SPTBN4: variants seen among roughly 807,000 people sequenced by gnomAD.
SPTBN4 encodes spectrin beta, non-erythrocytic 4.
SPTBN4 carries 96 observed loss-of-function variants against 277.8 expected under a neutral mutation model. The ratio of observed to expected loss-of-function variants is 0.35; its 90% CI spans 0.29 to 0.41. The LOEUF (loss-of-function observed/expected upper bound fraction) is 0.41. Among genes scored for constraint, SPTBN4 ranks in the 10% least tolerant of loss-of-function variants. The pLI, the probability that SPTBN4 is intolerant of heterozygous loss-of-function variation, is 1.00. For synonymous variants in SPTBN4, 1,481 were observed against 1,580.3 expected (o/e 0.94, Z 1.49); for missense variants, 3,006 against 3,595.7 (o/e 0.84, Z 4.19).
At position 40,485,361 on chromosome 19, in the gene SPTBN4, G is replaced by A. The variant is rs182648929; in HGVS notation, c.170-2336G>A. On this transcript the variant is annotated intron_variant, in intron 2 of 35. Coordinates refer to ENST00000598249, the MANE Select transcript of SPTBN4 (RefSeq NM_020971.3). ...AGACAGTGTTCGAGAGGCTGGTCTCGAACTCCTGAGCTCAGGCAATCCACC... is the reference window on the plus strand; with the variant it reads ...AGACAGTGTTCGAGAGGCTGGTCTCAAACTCCTGAGCTCAGGCAATCCACC... 3.5e-4 allele frequency among the ~76,000 whole-genome samples: 53 copies of A among 151,236 alleles called. No homozygotes were observed. In the East Asian group the frequency reaches 8.7e-3, roughly 25 times the overall value.
Position 40,575,780 on chromosome 19 carries a change from C to A in SPTBN4, c.*211C>A. The stretch of plus-strand genomic sequence containing the variant: ...CTATAGCCATATCTCGGCCCCTTCC[C>A]ACTCACCACCCCCACCCCAGGTGCT... On this transcript the variant is annotated 3_prime_UTR_variant, in exon 36 of 36. Transcript: ENST00000598249. 2.1e-6 allele frequency: 1 copy of A among 483,590 alleles called. No homozygotes were observed. Among genetic ancestry groups the A allele is most frequent in the Non-Finnish European group, 3.5e-6 (1 of 287,636 alleles). The allele number at this position is 483,590 out of a possible 1,614,324, so 30.0% of individuals were successfully genotyped here.
chr19:40,549,809 G>T (rs1226690295), intron 21 of SPTBN4, among the ~76,000 whole-genome samples: 2 of 152,224 alleles, frequency 1.3e-5, no homozygotes, highest in Non-Finnish European at 2.9e-5. Context: ...GGTGGCCAAG[G>T]CAGACCCCAT....
intron 26 of SPTBN4, among the ~76,000 whole-genome samples, chr19:40,557,705 G>T (rs939748561): frequency 5.9e-5 from 9 of 152,090 alleles, no homozygotes; most frequent in Non-Finnish European, 1.2e-4. Context: ...ATCATCTGAG[G>T]TCAGGAGTTT....
At chr19:40,488,960 G>C (rs931483084) in intron 3 of SPTBN4, among the ~76,000 whole-genome samples, 2 of 152,004 alleles carry the variant, frequency 1.3e-5, no homozygotes, top group African/African-American at 4.8e-5. Flanking sequence ...ACTGCACCGG[G>C]CAGAGACCCT....
intron 13 of SPTBN4, among the ~76,000 whole-genome samples, chr19:40,512,120 C>T (rs914041641): frequency 1.3e-5 from 2 of 152,188 alleles, no homozygotes; most frequent in African/African-American, 4.8e-5. Context: ...AAGAATCTGT[C>T]TCAAACACAC....
In SPTBN4 at chr19:40,560,042, G is replaced by C. The variant is rs2081025529; in HGVS notation, c.5671-117G>C. 1.4e-6 allele frequency: 2 copies of C among 1,434,764 alleles called. No homozygotes were observed. Among genetic ancestry groups the C allele is most frequent in the Admixed American group, 5.7e-5 (2 of 35,048 alleles). 88.9% of individuals were successfully genotyped at this position (1,434,764 alleles called of 1,614,324 possible). ...GCAGATATGACAGGAGCCTGGCTGT[G>C]GGATCACAGTGTGAGGCTCCTTATA... is the stretch of plus-strand genomic sequence containing the variant. On this transcript the variant is annotated intron_variant, in intron 26 of 35. Coordinates refer to ENST00000598249, the MANE Select transcript of SPTBN4 (RefSeq NM_020971.3). This position sits in a 1 kb window ranked among gnomAD's most constrained non-coding sequence, Gnocchi z 5.2.
chr19:40,492,515 A>C (rs1032171427), intron 4 of SPTBN4, among the ~76,000 whole-genome samples: 2 of 152,136 alleles, frequency 1.3e-5, no homozygotes, highest in Non-Finnish European at 2.9e-5. Context: ...ATGGGAGATC[A>C]TGGGAACTTT....
intron 2 of SPTBN4, among the ~76,000 whole-genome samples, chr19:40,485,843 G>A (rs1000814252): frequency 6.6e-6 from 1 of 151,906 alleles, no homozygotes; most frequent in African/African-American, 2.4e-5. Flanking sequence ...AATGTCCAAG[G>A]GATTTTAATG....
rs1424841445 is a variant in SPTBN4 at position 40,512,986 on chromosome 19, G to C, written c.2197G>C (p.Gly733Arg). The change falls in exon 14 of 36, where the codon GGC becomes CGC. Residue 733 changes from glycine (G) to arginine (R), a missense_variant. Gly to Arg is a moderately radical substitution (Grantham distance 125). Around this residue, in one of 5 missense-constraint regions of SPTBN4, gnomAD observed 1,759 missense variants for 2,061.5 expected, o/e 0.85. Transcript: ENST00000598249. ...EELVAAGGAVGPGADTVHLVG... is the reference protein window; with the variant it reads ...EELVAAGGAVRPGADTVHLVG... ...GCTGGTTGCGGCCGGCGGTGCCGTC[G>C]GCCCGGGAGCAGACACCGTGCACCT... 40 of 1,414,708 alleles carry C rather than the reference G, an allele frequency of 2.8e-5. No individual in the cohort carries two copies. The highest frequency in any genetic ancestry group is 1.0e-4 in the Admixed American group (3 of 29,794). The allele number at this position is 1,414,708 out of a possible 1,614,324, so 87.6% of individuals were successfully genotyped here.
intron 20 of SPTBN4, among the ~76,000 whole-genome samples, chr19:40,537,459 A>G (rs1319931346): frequency 6.6e-6 from 1 of 152,204 alleles, no homozygotes; most frequent in African/African-American, 2.4e-5. Flanking sequence ...GGCAAATAAC[A>G]TCTTAGTATT....
intron 30 of SPTBN4, chr19:40,567,023 C>T (rs1368923556): frequency 8.0e-6 from 3 of 376,282 alleles, no homozygotes; most frequent in Admixed American, 2.8e-5. Context: ...TGGGGTGGCT[C>T]ACACCTGTAC....
Position 40,505,292 on chromosome 19 carries a change from G to A in SPTBN4, c.1666-944G>A, listed in dbSNP as rs186556890. ...TGTAGTCCCAGCTACTCTGAAGTGGGAGGATCGCTTGAGCCCAGGAGGTTG... is the reference window on the plus strand; with the variant it reads ...TGTAGTCCCAGCTACTCTGAAGTGGAAGGATCGCTTGAGCCCAGGAGGTTG... On this transcript the variant is annotated intron_variant, in intron 12 of 35. Transcript: ENST00000598249. Among the ~76,000 whole-genome samples the A allele has an allele frequency of 1.3e-4, 20 of 149,274 alleles. No homozygotes were observed. In the East Asian group the frequency reaches 1.4e-3, roughly 10 times the overall value.
intron 6 of SPTBN4, among the ~76,000 whole-genome samples, chr19:40,496,096 T>C (rs1381893083): frequency 2.0e-5 from 3 of 152,166 alleles, no homozygotes; most frequent in Non-Finnish European, 4.4e-5. Flanking sequence ...AAACATTCAA[T>C]AGTCAATGTA....
At chr19:40,569,791 C>A in intron 32 of SPTBN4, 65 bp downstream of exon 32, 2 of 1,479,882 alleles carry the variant, frequency 1.4e-6, no homozygotes, top group South Asian at 2.4e-5. Flanking sequence ...GGCAGGATCT[C>A]AGAAACAGCC....
At chr19:40,541,666 C>T (rs2080803403) in intron 20 of SPTBN4, among the ~76,000 whole-genome samples, 1 of 152,176 alleles carries the variant, frequency 6.6e-6, no homozygotes, top group South Asian at 2.1e-4. Context: ...AGCCTCTCTC[C>T]TGTCCTCCCG....
chr19:40,529,136 G>A lies in SPTBN4; in HGVS notation c.3948+5G>A, dbSNP rs745801267. ...TTCCTCCGAGACTGCCACGAGGTAG[G>A]AACTCCAGGTGTGCTGGGGACGGAG... On this transcript the variant is annotated splice_donor_5th_base_variant and intron_variant, in intron 18 of 35. Coordinates refer to ENST00000598249, the MANE Select transcript of SPTBN4 (RefSeq NM_020971.3). 8 of 1,613,510 alleles carry A rather than the reference G, an allele frequency of 5.0e-6. No individual in the cohort carries two copies. The highest frequency in any genetic ancestry group is 6.8e-6 in the Non-Finnish European group (8 of 1,179,516).
chr19:40,515,785 G>A lies in SPTBN4; in HGVS notation c.2903+337G>A, dbSNP rs956295213. ...ATACTGTAATCCCAGCACTTCAGGA[G>A]GCTGAGATGGGTGGATCACTTGAGC... On this transcript the variant is annotated intron_variant, in intron 15 of 35. Coordinates refer to ENST00000598249, the MANE Select transcript of SPTBN4 (RefSeq NM_020971.3). The surrounding 1 kb of genome is among the most constrained non-coding windows in gnomAD (Gnocchi z 4.1). Among the ~76,000 whole-genome samples the A allele has an allele frequency of 2.6e-5, 4 of 151,510 alleles. No individual in the cohort carries two copies. The highest frequency in any genetic ancestry group is 4.9e-5 in the African/African-American group (2 of 41,164).
chr19:40,554,171 C>A lies in SPTBN4; in HGVS notation c.4699C>A (p.His1567Asn). 1 of 1,448,614 alleles carries A rather than the reference C, an allele frequency of 6.9e-7. No homozygotes were observed. Among genetic ancestry groups the A allele is most frequent in the African/African-American group, 1.5e-5 (1 of 67,174 alleles). The allele number at this position is 1,448,614 out of a possible 1,614,324, so 89.7% of individuals were successfully genotyped here. The change falls in exon 23 of 36, where the codon CAT becomes AAT. Residue 1567 changes from histidine to asparagine, a missense_variant. Physicochemically the swap from His to Asn is moderately conservative, Grantham distance 68. Around this residue, in one of 5 missense-constraint regions of SPTBN4, gnomAD observed 1,759 missense variants for 2,061.5 expected, o/e 0.85. Transcript: ENST00000598249. The surrounding 1 kb of genome is among the most constrained non-coding windows in gnomAD (Gnocchi z 5.7). The part of the protein sequence containing the change: ...NQGLRREIQA[H>N]GPRLEEVLER... Reference sequence around the variant, plus strand: ...GGGCCTGCGGCGGGAGATCCAGGCGCATGGGCCGCGCCTGGAGGAGGTGCT... The same window carrying A: ...GGGCCTGCGGCGGGAGATCCAGGCGAATGGGCCGCGCCTGGAGGAGGTGCT...
In SPTBN4 at chr19:40,505,382, C is replaced by CAAA. The variant is rs1209780246; in HGVS notation, c.1666-834_1666-832dup. Among the ~76,000 whole-genome samples the CAAA allele has an allele frequency of 3.5e-3, 196 of 55,394 alleles. 3 individuals carry two copies. Among genetic ancestry groups the CAAA allele is most frequent in the Non-Finnish European group, 4.0e-3 (122 of 30,316 alleles). The allele number at this position is 55,394 out of a possible 152,430, so 36.3% of individuals were successfully genotyped here. On this transcript the variant is annotated intron_variant, in intron 12 of 35. Transcript: ENST00000598249. ...TGGATGACAGAGTGAGACCCTGTCT[C>CAAA]AAAAAAAAAAAAAAAAAAAAAAGAA...
Sources: allele counts gnomAD v4.1 joint callset (sites outside exome capture counted in the v4.1 genomes callset), GRCh38; gene constraint gnomAD v4.1.1; regional missense constraint gnomAD v4.1.1; non-coding constraint Gnocchi (gnomAD v3.1); transcripts MANE v1.5; gene names NCBI Gene and HGNC (gene_info 2026-07-23, HGNC 2026-07-21).